Variants in LRRC4C observed in about 807,000 individuals in gnomAD.
The protein encoded by LRRC4C is leucine rich repeat containing 4C, also known as leucine-rich repeat-containing protein 4C.
LRRC4C carries 5 observed loss-of-function variants against 33.6 expected under a neutral mutation model. The observed-to-expected ratio is 0.15, with a 90% CI of 0.08 to 0.31. The LOEUF (loss-of-function observed/expected upper bound fraction) is 0.31, where lower values mean the gene tolerates loss of function less well. Among genes scored for constraint, LRRC4C ranks in the 10% least tolerant of loss-of-function variants. The probability of loss-of-function intolerance (pLI) is 1.00; values close to 1 mark genes in which losing one functional copy is unlikely to be tolerated. For synonymous variants in LRRC4C, 329 were observed against 302.0 expected, an observed-to-expected ratio of 1.09 and a Z score of -0.93; for missense variants, 560 against 796.7, an observed-to-expected ratio of 0.70 and a Z score of 3.58.
chr11:40,506,425 C>T (rs1033643365), intron 3 of LRRC4C, among the ~76,000 whole-genome samples: 17 of 152,092 alleles, frequency 1.1e-4, no homozygotes, highest in African/African-American at 3.6e-4. Context: ...ACGGAATTAG[C>T]GTATTTCATT....
chr11:41,212,062 A>G (rs1474532649), intron 1 of LRRC4C, among the ~76,000 whole-genome samples: 1 of 152,174 alleles, frequency 6.6e-6, no homozygotes, highest in East Asian at 1.9e-4. Context: ...TTTATTTAAG[A>G]TGTATACAAA....
At chr11:41,317,323 T>C (rs1057092835) in intron 1 of LRRC4C, among the ~76,000 whole-genome samples, 1 of 152,136 alleles carries the variant, frequency 6.6e-6, no homozygotes, top group African/African-American at 2.4e-5. Context: ...AAAATGAGAT[T>C]ATGCATTTTA....
intron 1 of LRRC4C, among the ~76,000 whole-genome samples, chr11:40,975,861 A>G (rs577106668): frequency 2.0e-5 from 3 of 152,322 alleles, no homozygotes; most frequent in Admixed American, 6.5e-5. Flanking sequence ...TGATACTTCA[A>G]TACTTGCTGA....
At chr11:40,274,251 G>T (rs994632961) in intron 4 of LRRC4C, among the ~76,000 whole-genome samples, 1 of 151,840 alleles carries the variant, frequency 6.6e-6, no homozygotes, top group East Asian at 1.9e-4. Flanking sequence ...ATTCCGGAGG[G>T]GAGGGAAAGA....
At chr11:40,310,663 C>G (rs778084915) in intron 4 of LRRC4C, among the ~76,000 whole-genome samples, 10 of 152,122 alleles carry the variant, frequency 6.6e-5, no homozygotes, top group African/African-American at 2.4e-4. Context: ...CATTAACTCA[C>G]AACAACCACC....
Position 41,164,088 on chromosome 11 carries a change from C to G in LRRC4C, c.-495-230365G>C, listed in dbSNP as rs1219158529. 2.6e-5 allele frequency among the ~76,000 whole-genome samples: 4 copies of G among 151,922 alleles called. 1 individual carries two copies. Among genetic ancestry groups the G allele is most frequent in the Admixed American group, 6.5e-5 (1 of 15,272 alleles). On this transcript the variant is annotated intron_variant, in intron 1 of 6. Transcript: ENST00000528697. ...TTATCAATTATTTAACTCTATGACTCTTTTCTAATAACATTTATTTTAAAA... is the reference window on the plus strand; with the variant it reads ...TTATCAATTATTTAACTCTATGACTGTTTTCTAATAACATTTATTTTAAAA...
chr11:40,861,553 A>G (rs527496609), intron 2 of LRRC4C, among the ~76,000 whole-genome samples: 1 of 152,314 alleles, frequency 6.6e-6, no homozygotes, highest in East Asian at 1.9e-4. Context: ...GAGTAAGATC[A>G]GGAGTGTGGC....
chr11:41,293,967 G>C (rs150687058), intron 1 of LRRC4C, among the ~76,000 whole-genome samples: 1 of 152,194 alleles, frequency 6.6e-6, no homozygotes, highest in African/African-American at 2.4e-5. Flanking sequence ...CACACACACA[G>C]ACACACATTT....
chr11:40,739,604 G>A (rs2136890075), intron 2 of LRRC4C, among the ~76,000 whole-genome samples: 1 of 152,108 alleles, frequency 6.6e-6, no homozygotes, highest in African/African-American at 2.4e-5. Context: ...AAGTGTTGAG[G>A]GAGAGACCTA....
chr11:41,394,319 C>CA (rs1172231984), intron 1 of LRRC4C, among the ~76,000 whole-genome samples: 1 of 151,984 alleles, frequency 6.6e-6, no homozygotes, highest in Admixed American at 6.6e-5. Context: ...TACCTTCCTT[C>CA]ACTGCACTAT....
chr11:40,335,642 G>A lies in LRRC4C; in HGVS notation c.-269-15921C>T, dbSNP rs77341015. ...CACCCAGGTGAATTTCTTTTTCACC[G>A]TCATTGTATGACACTCTTCTGCTTC... is the stretch of plus-strand genomic sequence containing the variant. On this transcript the variant is annotated intron_variant, in intron 3 of 6. Coordinates refer to ENST00000528697, the MANE Select transcript of LRRC4C (RefSeq NM_001258419.2). Among the ~76,000 whole-genome samples, 234 of 152,274 alleles carry A rather than the reference G, an allele frequency of 1.5e-3. 4 individuals are homozygous for A. In the East Asian group the frequency reaches 0.038, roughly 25 times the overall value.
intron 1 of LRRC4C, among the ~76,000 whole-genome samples, chr11:41,146,194 G>A (rs1043768169): frequency 6.6e-6 from 1 of 152,172 alleles, no homozygotes; most frequent in Non-Finnish European, 1.5e-5. Context: ...TTAAATGAAT[G>A]AATGAAGAAT....
chr11:40,695,750 C>T (rs1470633852), intron 2 of LRRC4C, among the ~76,000 whole-genome samples: 1 of 151,986 alleles, frequency 6.6e-6, no homozygotes, highest in Non-Finnish European at 1.5e-5. Context: ...ATCACTCTGA[C>T]CCCATCATTA....
At chr11:40,304,181 A>G (rs138063729) in intron 4 of LRRC4C, among the ~76,000 whole-genome samples, 322 of 152,196 alleles carry the variant, frequency 2.1e-3, no homozygotes, top group Middle Eastern at 3.4e-3. Context: ...TAATTTGGGG[A>G]TATTGAGGGG....
At chr11:41,160,771 C>G (rs1944434646) in intron 1 of LRRC4C, among the ~76,000 whole-genome samples, 1 of 152,120 alleles carries the variant, frequency 6.6e-6, no homozygotes, top group African/African-American at 2.4e-5. Flanking sequence ...GTACAATTTG[C>G]TTAGTGCTAA....
At chr11:41,137,484 C>G (rs1305431566) in intron 1 of LRRC4C, among the ~76,000 whole-genome samples, 2 of 152,042 alleles carry the variant, frequency 1.3e-5, no homozygotes, top group Non-Finnish European at 2.9e-5. Flanking sequence ...ACTGTTTTCT[C>G]TATGATAATG....
At chr11:41,045,349 T>C (rs1857700448) in intron 1 of LRRC4C, among the ~76,000 whole-genome samples, 2 of 152,102 alleles carry the variant, frequency 1.3e-5, no homozygotes, top group Admixed American at 1.3e-4. Context: ...TTACATCTCT[T>C]CAAGCTGTTT....
rs542585366 is a variant in LRRC4C, at chr11:40,311,753, T to C, written c.-176+7875A>G. 4.1e-4 allele frequency among the ~76,000 whole-genome samples: 63 copies of C among 152,146 alleles called. 1 individual carries two copies. The South Asian group carries it at 0.012, about 30-fold the overall frequency. ...CAAGGTCAAGAGATCGAGACCATCC[T>C]GGCCAACTTGGTGAAACCCTGTCTC... is the stretch of plus-strand genomic sequence containing the variant. On this transcript the variant is annotated intron_variant, in intron 4 of 6. Transcript: ENST00000528697.
chr11:40,189,030 A>G (rs1861624880), intron 5 of LRRC4C, among the ~76,000 whole-genome samples: 1 of 152,210 alleles, frequency 6.6e-6, no homozygotes, highest in Non-Finnish European at 1.5e-5. Flanking sequence ...GTGTGTCAAC[A>G]AAACCAGTCT....
Sources: gnomAD v4.1 joint callset for allele counts (sites outside exome capture counted in the v4.1 genomes callset) on GRCh38, gnomAD v4.1.1 for gene constraint, MANE v1.5 for transcripts, NCBI Gene and HGNC (gene_info 2026-07-23, HGNC 2026-07-21) for gene names.